ADAMTSL3: variants seen among roughly 807,000 people sequenced by gnomAD.
ADAMTSL3 encodes ADAMTS like 3, also known as ADAMTS-like protein 3.
Under a neutral mutation model 201.7 loss-of-function variants are expected in ADAMTSL3, and 128 were observed. That is an observed-to-expected ratio of 0.63 (90% CI 0.55 to 0.73). The LOEUF (loss-of-function observed/expected upper bound fraction) is 0.73. Among genes scored for constraint, ADAMTSL3 ranks in the 30% least tolerant of loss-of-function variants. The pLI is 0.00. For missense variants in ADAMTSL3, 1,990 were observed against 2,119.6 expected (o/e 0.94, Z 1.20); for synonymous variants, 738 against 748.4 (o/e 0.99, Z 0.23).
chr15:83,801,177 T>TAA (rs1180251554), intron 4 of ADAMTSL3, among the ~76,000 whole-genome samples: 3 of 152,184 alleles, frequency 2.0e-5, no homozygotes, highest in Admixed American at 2.0e-4. Flanking sequence ...TACAAAATAT[T>TAA]AAGACATGGC....
At chr15:83,688,749 TATATATAC>T (rs1215894848) in intron 2 of ADAMTSL3, among the ~76,000 whole-genome samples, 1 of 48,938 alleles carries the variant, frequency 2.0e-5, no homozygotes, top group African/African-American at 7.1e-5. Flanking sequence ...TACACATGCA[TATATATAC>T]ACACACACAC....
chr15:83,782,971 TTA>T (rs200426299), intron 4 of ADAMTSL3, among the ~76,000 whole-genome samples: 8,718 of 142,064 alleles, frequency 0.061, 367 homozygotes, highest in Non-Finnish European at 0.089. Flanking sequence ...TATACATATA[TTA>T]TATATATACA....
chr15:84,003,377 T>C (rs1449155134), intron 23 of ADAMTSL3, among the ~76,000 whole-genome samples: 3 of 152,184 alleles, frequency 2.0e-5, no homozygotes, highest in Admixed American at 6.5e-5. Flanking sequence ...TAAACACCTG[T>C]ACAATCCACA....
At chr15:83,805,554 C>G (rs149086287) in intron 5 of ADAMTSL3, among the ~76,000 whole-genome samples, 7,807 of 148,018 alleles carry the variant, frequency 0.053, 350 homozygotes, top group Admixed American at 0.15. Flanking sequence ...GAGACTCTGT[C>G]TCAAAAAAAA....
chr15:83,972,567 T>C (rs917852465), intron 20 of ADAMTSL3, among the ~76,000 whole-genome samples: 2 of 152,104 alleles, frequency 1.3e-5, no homozygotes, highest in Non-Finnish European at 2.9e-5. Flanking sequence ...TCCAATGTGG[T>C]ACAAGATGAA....
chr15:83,865,209 A>G (rs764418605), intron 8 of ADAMTSL3, among the ~76,000 whole-genome samples: 8 of 152,200 alleles, frequency 5.3e-5, no homozygotes, highest in African/African-American at 1.9e-4. Context: ...TATAGATTCA[A>G]CGCCATCCCC....
chr15:83,837,993 A>C, intron 6 of ADAMTSL3, 96 bp from the exon 7 acceptor site: 5 of 1,463,808 alleles, frequency 3.4e-6, no homozygotes, highest in Non-Finnish European at 4.6e-6. Context: ...CAAACTGTAA[A>C]GTTAAGGATT....
At chr15:84,031,488 G>T (rs1367369546) in intron 28 of ADAMTSL3, 56 bp downstream of exon 28, 8 of 1,440,348 alleles carry the variant, frequency 5.6e-6, no homozygotes, top group Non-Finnish European at 7.8e-6. Context: ...TCAGGACAAT[G>T]ATTATAACTG....
At position 83,838,133 on chromosome 15, in the gene ADAMTSL3, C is replaced by T. The variant is rs1378145165; in HGVS notation, c.645C>T (p.Asp215=). ...DRQLGSNAKE[D]NCGVCAGDGS... Reference sequence around the variant, plus strand: ...AACTGGGAAGCAATGCCAAGGAGGACAACTGTGGAGTCTGTGCCGGCGATG... The same window carrying T: ...AACTGGGAAGCAATGCCAAGGAGGATAACTGTGGAGTCTGTGCCGGCGATG... The change falls in exon 7 of 30, where the codon GAC becomes GAT. Residue 215 remains aspartate, a synonymous_variant. Transcript: ENST00000286744. 6.2e-7 allele frequency: 1 copy of T among 1,613,230 alleles called. No homozygotes were observed.
At chr15:83,838,035 A>C in intron 6 of ADAMTSL3, 54 bp from the exon 7 acceptor site, 3 of 1,574,064 alleles carry the variant, frequency 1.9e-6, no homozygotes, top group Non-Finnish European at 2.6e-6. Context: ...AAATGAAGAG[A>C]GCTCCCCCTC....
At chr15:83,851,197 G>T (rs1191789968) in intron 7 of ADAMTSL3, among the ~76,000 whole-genome samples, 1 of 152,184 alleles carries the variant, frequency 6.6e-6, no homozygotes, top group Admixed American at 6.5e-5. Flanking sequence ...TTAGTGGAGG[G>T]TTACAGAAAT....
chr15:84,019,806 C>T (rs546720238), intron 25 of ADAMTSL3, among the ~76,000 whole-genome samples: 6 of 149,892 alleles, frequency 4.0e-5, no homozygotes, highest in South Asian at 4.3e-4. Context: ...GCAGGAGAAT[C>T]GCTTGAACCT....
chr15:84,036,951 A>G lies in ADAMTSL3; in HGVS notation c.4933A>G (p.Ile1645Val). The G allele has an allele frequency of 6.2e-7, 1 of 1,613,898 alleles. No homozygotes were observed. Among genetic ancestry groups the G allele is most frequent in the Non-Finnish European group, 8.5e-7 (1 of 1,180,012 alleles). Residue 1645 changes from isoleucine to valine, a missense_variant, in exon 29 of 30, where the codon ATT becomes GTT. By Grantham distance (29) the Ile-to-Val change is conservative. Coordinates refer to ENST00000286744, the MANE Select transcript of ADAMTSL3 (RefSeq NM_207517.3). ...KRHCVQKKKP[I>V]SWRHCLGPSC... is the part of the protein sequence containing the mutation. Reference sequence around the variant, plus strand: ...ACACTGTGTACAGAAAAAGAAACCAATTTCCTGGCGGCACTGTCTTGGGCC... The same window carrying G: ...ACACTGTGTACAGAAAAAGAAACCAGTTTCCTGGCGGCACTGTCTTGGGCC...
chr15:83,833,074 C>T (rs1301196120), intron 6 of ADAMTSL3, among the ~76,000 whole-genome samples: 1 of 152,190 alleles, frequency 6.6e-6, no homozygotes, highest in Non-Finnish European at 1.5e-5. Flanking sequence ...AAGTCCTTTA[C>T]TGTTAGCTCA....
chr15:83,657,081 G>T (rs774775793), intron 2 of ADAMTSL3, among the ~76,000 whole-genome samples: 26 of 152,178 alleles, frequency 1.7e-4, no homozygotes, highest in Admixed American at 7.2e-4. Flanking sequence ...GATGATGTTA[G>T]GGTTCTCTGG....
intron 17 of ADAMTSL3, among the ~76,000 whole-genome samples, chr15:83,933,726 G>C (rs577478855): frequency 5.9e-5 from 9 of 152,318 alleles, no homozygotes; most frequent in Admixed American, 5.2e-4. Flanking sequence ...ATGGTTTCAT[G>C]CTCTAGTCCC....
intron 20 of ADAMTSL3, among the ~76,000 whole-genome samples, chr15:83,972,113 A>G (rs1322679837): frequency 6.6e-6 from 1 of 152,088 alleles, no homozygotes; most frequent in Non-Finnish European, 1.5e-5. Context: ...GGCAGATACT[A>G]TCTCCATCTG....
intron 6 of ADAMTSL3, among the ~76,000 whole-genome samples, chr15:83,834,330 G>A (rs1307288402): frequency 6.6e-6 from 1 of 152,146 alleles, no homozygotes; most frequent in Non-Finnish European, 1.5e-5. Flanking sequence ...AAAGGGGGTG[G>A]AGAAGTGCAG....
intron 7 of ADAMTSL3, 138 bp from the exon 8 acceptor site, chr15:83,858,628 C>T (rs910792265): frequency 3.2e-6 from 2 of 628,584 alleles, no homozygotes; most frequent in African/African-American, 1.9e-5. Flanking sequence ...CTGCCTTGGC[C>T]TCCTGAAGTG....
Sources: allele counts gnomAD v4.1 joint callset (sites outside exome capture counted in the v4.1 genomes callset), GRCh38; gene constraint gnomAD v4.1.1; transcripts MANE v1.5; gene names NCBI Gene and HGNC (gene_info 2026-07-23, HGNC 2026-07-21).